Variants in MAPK10 observed in about 807,000 individuals in gnomAD.
The protein encoded by MAPK10 is mitogen-activated protein kinase 10.
Under a neutral mutation model 59.3 loss-of-function variants are expected in MAPK10, and 25 were observed. The observed-to-expected ratio is 0.42, with a 90% CI of 0.31 to 0.59. The LOEUF (loss-of-function observed/expected upper bound fraction) is 0.59. Among genes scored for constraint, MAPK10 ranks in the 20% least tolerant of loss-of-function variants. The pLI is 0.15. For missense variants in MAPK10, 351 were observed against 568.9 expected, an observed-to-expected ratio of 0.62 and a Z score of 3.90; for synonymous variants, 190 against 200.5, an observed-to-expected ratio of 0.95 and a Z score of 0.44.
intron 2 of MAPK10, among the ~76,000 whole-genome samples, chr4:86,344,251 C>T (rs913992824): frequency 6.6e-6 from 1 of 152,112 alleles, no homozygotes; most frequent in Non-Finnish European, 1.5e-5. Context: ...CTCAGCTTCC[C>T]GAGTAGCTGG....
At chr4:86,289,603 A>G (rs2095153148) in intron 2 of MAPK10, among the ~76,000 whole-genome samples, 1 of 149,810 alleles carries the variant, frequency 6.7e-6, no homozygotes, top group Non-Finnish European at 1.5e-5. Context: ...ATGTTATATA[A>G]TAATATATTA....
intron 13 of MAPK10, chr4:86,027,195 T>TCCTAG (rs1229219089): frequency 3.3e-5 from 5 of 152,202 alleles, no homozygotes; most frequent in African/African-American, 1.2e-4. Context: ...TGAATATTTT[T>TCCTAG]CCTAGATTTA....
chr4:86,300,880 T>C (rs1348201176), intron 2 of MAPK10: 4 of 146,256 alleles, frequency 2.7e-5, no homozygotes, highest in African/African-American at 1.0e-4. Flanking sequence ...AGAGATCAAA[T>C]TGTTAAAGTA....
chr4:86,431,446 A>G (rs1748033846), intron 1 of MAPK10, among the ~76,000 whole-genome samples: 1 of 152,258 alleles, frequency 6.6e-6, no homozygotes, highest in South Asian at 2.1e-4. Flanking sequence ...GTCATCTGAC[A>G]AAACAGAATT....
intron 2 of MAPK10, among the ~76,000 whole-genome samples, chr4:86,248,143 T>C (rs896461994): frequency 3.3e-5 from 5 of 152,214 alleles, no homozygotes; most frequent in African/African-American, 4.8e-5. Flanking sequence ...ATGGTGTTTA[T>C]GAGATCCTGA....
At chr4:86,089,230 C>G (rs1382774981) in intron 9 of MAPK10, 2 of 1,612,818 alleles carry the variant, frequency 1.2e-6, no homozygotes, top group Admixed American at 3.3e-5. Flanking sequence ...AACAGCACTG[C>G]ACCTTTTATC....
intron 2 of MAPK10, among the ~76,000 whole-genome samples, chr4:86,293,456 C>T (rs1333984921): frequency 6.6e-6 from 1 of 152,310 alleles, no homozygotes; most frequent in African/African-American, 2.4e-5. Context: ...TCTGATGTGG[C>T]AACAATACTA....
At chr4:86,415,241 C>T (rs1316068629) in intron 1 of MAPK10, among the ~76,000 whole-genome samples, 1 of 151,954 alleles carries the variant, frequency 6.6e-6, no homozygotes, top group Non-Finnish European at 1.5e-5. Flanking sequence ...GTGATCATGC[C>T]AATTCAGGAC....
intron 1 of MAPK10, among the ~76,000 whole-genome samples, chr4:86,493,301 G>A (rs1225339944): frequency 1.3e-5 from 2 of 152,128 alleles, no homozygotes; most frequent in African/African-American, 4.8e-5. Context: ...TTTGGCTGAA[G>A]TTTTTCTTTT....
At chr4:86,526,440 G>A (rs1018885348) in intron 1 of MAPK10, among the ~76,000 whole-genome samples, 1 of 152,114 alleles carries the variant, frequency 6.6e-6, no homozygotes, top group African/African-American at 2.4e-5. Context: ...TTCTGATCAT[G>A]CTTATTTGAA....
chr4:86,402,490 A>C (rs1743850401), intron 1 of MAPK10, among the ~76,000 whole-genome samples: 1 of 152,236 alleles, frequency 6.6e-6, no homozygotes, highest in Non-Finnish European at 1.5e-5. Flanking sequence ...ATTTTTAAAA[A>C]TCAGCTGCTA....
chr4:86,108,160 A>G (rs1480669732), intron 4 of MAPK10, among the ~76,000 whole-genome samples: 2 of 152,188 alleles, frequency 1.3e-5, no homozygotes, highest in Non-Finnish European at 2.9e-5. Flanking sequence ...ACAAAAATAA[A>G]TGCTATTCAC....
At chr4:86,555,473 GT>G (rs1288419390) in intron 1 of MAPK10, among the ~76,000 whole-genome samples, 1 of 152,072 alleles carries the variant, frequency 6.6e-6, no homozygotes, top group South Asian at 2.1e-4. Flanking sequence ...GGGATTATAG[GT>G]TTTTTTATTT....
intron 2 of MAPK10, among the ~76,000 whole-genome samples, chr4:86,242,654 T>C (rs570525584): frequency 6.6e-6 from 1 of 152,310 alleles, no homozygotes; most frequent in Admixed American, 6.5e-5. Flanking sequence ...TGTGTTGGGC[T>C]GTGGGGACAA....
intron 2 of MAPK10, among the ~76,000 whole-genome samples, chr4:86,350,436 G>T (rs1056180059): frequency 1.3e-5 from 2 of 152,076 alleles, no homozygotes; most frequent in South Asian, 2.1e-4. Flanking sequence ...GGATGGTCTT[G>T]ATCTCCTGAC....
intron 1 of MAPK10, among the ~76,000 whole-genome samples, chr4:86,478,046 T>A (rs957260263): frequency 1.3e-5 from 2 of 152,168 alleles, no homozygotes; most frequent in African/African-American, 2.4e-5. Flanking sequence ...ACACACGTGC[T>A]TTCCCCACCG....
chr4:86,554,356 T>A (rs4693777), intron 1 of MAPK10, among the ~76,000 whole-genome samples: 32,911 of 152,120 alleles, frequency 0.22, 4,494 homozygotes, highest in Admixed American at 0.3. Flanking sequence ...ACCAGCTTTT[T>A]CAAATGCTAG....
At chr4:86,509,273 T>C (rs1399969393) in intron 1 of MAPK10, among the ~76,000 whole-genome samples, 1 of 152,050 alleles carries the variant, frequency 6.6e-6, no homozygotes, top group Non-Finnish European at 1.5e-5. Flanking sequence ...AACTATTAAT[T>C]GCTTAGGGTG....
In MAPK10 at chr4:86,316,293, A is replaced by C. The variant is rs574395941; in HGVS notation, c.-7+38237T>G. Among the ~76,000 whole-genome samples the C allele has an allele frequency of 5.8e-4, 89 of 152,338 alleles. 1 individual carries two copies. The highest frequency in any genetic ancestry group is 1.3e-3 in the Admixed American group (20 of 15,302). On this transcript the variant is annotated intron_variant, in intron 2 of 13. Transcript: ENST00000641462. Reference sequence around the variant, plus strand: ...TCTGAAAAAATTTTGCAACGCATTAAACCCTAGCATTTATATATTTTTTTC... The same window carrying C: ...TCTGAAAAAATTTTGCAACGCATTACACCCTAGCATTTATATATTTTTTTC...
Sources: gnomAD v4.1 joint callset for allele counts (sites outside exome capture counted in the v4.1 genomes callset) on GRCh38, gnomAD v4.1.1 for gene constraint, MANE v1.5 for transcripts, NCBI Gene and HGNC (gene_info 2026-07-23, HGNC 2026-07-21) for gene names.